Variants in CACNA1I observed in about 807,000 individuals in gnomAD.
CACNA1I encodes calcium voltage-gated channel subunit alpha1 I, also known as voltage-dependent T-type calcium channel subunit alpha-1I.
A neutral mutation model predicts 201.6 loss-of-function variants in CACNA1I; 74 were observed. The ratio of observed to expected loss-of-function variants is 0.37; its 90% CI spans 0.30 to 0.45. The LOEUF (loss-of-function observed/expected upper bound fraction) is 0.45, where lower values mean the gene tolerates loss of function less well. Ranked by LOEUF, CACNA1I falls within the 20% of genes least tolerant of loss-of-function variation. CACNA1I has a pLI of 1.00. For synonymous variants in CACNA1I, 1,431 were observed against 1,345.2 expected, an observed-to-expected ratio of 1.06 and a Z score of -1.40; for missense variants, 2,346 against 3,138.1, an observed-to-expected ratio of 0.75 and a Z score of 6.03.
At chr22:39,605,051 C>G (rs1002192766) in intron 3 of CACNA1I, among the ~76,000 whole-genome samples, 12 of 151,528 alleles carry the variant, frequency 7.9e-5, no homozygotes, top group Non-Finnish European at 1.3e-4. Context: ...GAGCCCAGCC[C>G]TCCGGTCCCC....
chr22:39,624,296 C>T (rs868605825), intron 4 of CACNA1I, among the ~76,000 whole-genome samples: 9 of 152,216 alleles, frequency 5.9e-5, no homozygotes, highest in Middle Eastern at 3.4e-3. Context: ...AGCTGCTCCC[C>T]GGAGGTGGAG....
At chr22:39,572,720 G>A (rs1487211032) in intron 1 of CACNA1I, among the ~76,000 whole-genome samples, 1 of 151,972 alleles carries the variant, frequency 6.6e-6, no homozygotes, top group Non-Finnish European at 1.5e-5. Flanking sequence ...TCTGTCCCAG[G>A]GAGTGCCCGG....
intron 3 of CACNA1I, among the ~76,000 whole-genome samples, chr22:39,601,917 C>CCCTCCCTA (rs1933058096): frequency 2.5e-5 from 1 of 40,342 alleles, no homozygotes; most frequent in Non-Finnish European, 5.2e-5. Flanking sequence ...CTCCCTCCCT[C>CCCTCCCTA]CTTCCTTCCT....
Position 39,666,405 on chromosome 22 carries a change from T to A in CACNA1I, c.4104+399T>A, listed in dbSNP as rs1935197055. ...TCTATGAAATGGGAATGTTATAGCC[T>A]GCCAGGCAGGCTGCGGTCGAGATGA... On this transcript the variant is annotated intron_variant, in intron 23 of 36. Coordinates refer to ENST00000402142, the MANE Select transcript of CACNA1I (RefSeq NM_021096.4). This position sits in a 1 kb window ranked among gnomAD's most constrained non-coding sequence, Gnocchi z 4.1. Among the ~76,000 whole-genome samples the A allele has an allele frequency of 6.6e-6, 1 of 152,190 alleles. No homozygotes were observed. The highest frequency in any genetic ancestry group is 1.5e-5 in the Non-Finnish European group (1 of 68,030).
intron 3 of CACNA1I, among the ~76,000 whole-genome samples, chr22:39,609,239 C>T (rs1030815300): frequency 6.6e-6 from 1 of 152,200 alleles, no homozygotes; most frequent in African/African-American, 2.4e-5. Flanking sequence ...AGGTCACAGG[C>T]TGGTAAGGGG....
chr22:39,619,538 G>C, intron 4 of CACNA1I, 131 bp downstream of exon 4: 1 of 685,954 alleles, frequency 1.5e-6, no homozygotes, highest in Non-Finnish European at 2.6e-6. Flanking sequence ...TTAGGGCCCG[G>C]GTGTGCTCAG....
Position 39,680,986 on chromosome 22 carries a change from C to T in CACNA1I, c.5598C>T (p.Ile1866=). The T allele has an allele frequency of 6.2e-7, 1 of 1,612,102 alleles. No individual in the cohort carries two copies. The highest frequency in any genetic ancestry group is 2.2e-5 in the East Asian group (1 of 44,870). Residue 1866 remains isoleucine, a synonymous_variant, in exon 34 of 37, where the codon ATC becomes ATT. Coordinates refer to ENST00000402142, the MANE Select transcript of CACNA1I (RefSeq NM_021096.4). ...FSLNSDRSSS[I]LLGDDLSLED... The stretch of plus-strand genomic sequence containing the variant: ...TGAACTCAGACAGGTCCTCGTCCAT[C>T]CTGCTGGGTGACGACCTGAGTCTCG...
At chr22:39,586,176 CA>C (rs797014001) in intron 1 of CACNA1I, among the ~76,000 whole-genome samples, 3 of 149,270 alleles carry the variant, frequency 2.0e-5, no homozygotes, top group Non-Finnish European at 4.5e-5. Flanking sequence ...GACTCCATCT[CA>C]AAAAAAAATA....
rs986477683 is a variant in CACNA1I, at chr22:39,654,365, GA to G, written c.1993-3786del. 3.9e-5 allele frequency among the ~76,000 whole-genome samples: 6 copies of G among 152,206 alleles called. 1 individual carries two copies. Among genetic ancestry groups the G allele is most frequent in the African/African-American group, 1.4e-4 (6 of 41,452 alleles). ...GCAGCTTTATCATGTCCTGGAGCTGGAGGCTAACCACCAAGTTGGAGAACAA... is the reference window on the plus strand; with the variant it reads ...GCAGCTTTATCATGTCCTGGAGCTGGGGCTAACCACCAAGTTGGAGAACAA... On this transcript the variant is annotated intron_variant, in intron 10 of 36. Transcript: ENST00000402142.
At chr22:39,571,062 C>T (rs1932166728) in intron 1 of CACNA1I, 74 bp downstream of exon 1, 3 of 1,277,680 alleles carry the variant, frequency 2.3e-6, no homozygotes, top group East Asian at 2.3e-5. Context: ...AGTCCTGCTG[C>T]TCACACCTTG....
chr22:39,576,605 T>C (rs116408645), intron 1 of CACNA1I, among the ~76,000 whole-genome samples: 3,222 of 152,246 alleles, frequency 0.021, 122 homozygotes, highest in African/African-American at 0.074. Context: ...CAGTGATGCA[T>C]AGTGCGGAAG....
At chr22:39,635,122 C>T (rs1463423753) in intron 5 of CACNA1I, among the ~76,000 whole-genome samples, 2 of 152,126 alleles carry the variant, frequency 1.3e-5, no homozygotes, top group African/African-American at 4.8e-5. Flanking sequence ...AAATTGGACA[C>T]CTATAGAACC....
rs1430749015 is a variant in CACNA1I at position 39,617,730 on chromosome 22, C to G, written c.483-1580C>G. Among the ~76,000 whole-genome samples, 2 of 152,002 alleles carry G rather than the reference C, an allele frequency of 1.3e-5. 1 individual carries two copies. The highest frequency in any genetic ancestry group is 4.2e-4 in the South Asian group (2 of 4,814). On this transcript the variant is annotated intron_variant, in intron 3 of 36. Coordinates refer to ENST00000402142, the MANE Select transcript of CACNA1I (RefSeq NM_021096.4). The stretch of plus-strand genomic sequence containing the variant: ...CTCGCTGCCCCTTCCAGGTCACCAT[C>G]GGCCCTCACCCTCTCTGCCTAGCTG...
intron 3 of CACNA1I, among the ~76,000 whole-genome samples, chr22:39,601,361 G>A (rs747701580): frequency 1.3e-5 from 2 of 152,236 alleles, no homozygotes; most frequent in East Asian, 3.8e-4. Context: ...CTTCACACAC[G>A]GGGACCAGGG....
At chr22:39,643,181 G>A (rs1934392566) in intron 7 of CACNA1I, among the ~76,000 whole-genome samples, 1 of 152,200 alleles carries the variant, frequency 6.6e-6, no homozygotes, top group African/African-American at 2.4e-5. Flanking sequence ...GTGTCTCTGG[G>A]CTACATTCTT....
At chr22:39,671,072 C>T (rs1935364092) in intron 26 of CACNA1I, 118 bp downstream of exon 26, 1 of 914,772 alleles carries the variant, frequency 1.1e-6, no homozygotes, top group Non-Finnish European at 1.7e-6. Flanking sequence ...GTGAGCAGCC[C>T]CTCCATGCTG....
intron 4 of CACNA1I, among the ~76,000 whole-genome samples, chr22:39,628,007 A>T (rs1364415796): frequency 6.6e-6 from 1 of 152,176 alleles, no homozygotes; most frequent in Non-Finnish European, 1.5e-5. Flanking sequence ...GGAACAGGAA[A>T]GAGCAGCCTG....
chr22:39,633,656 A>C (rs1025716221), intron 4 of CACNA1I, among the ~76,000 whole-genome samples: 1 of 152,238 alleles, frequency 6.6e-6, no homozygotes, highest in African/African-American at 2.4e-5. Flanking sequence ...ATGTTTAGGG[A>C]ACTTCAAATA....
chr22:39,665,732 G>C lies in CACNA1I; in HGVS notation c.3978+108G>C, dbSNP rs1935168507. On this transcript the variant is annotated intron_variant, in intron 22 of 36. Coordinates refer to ENST00000402142, the MANE Select transcript of CACNA1I (RefSeq NM_021096.4). This position sits in a 1 kb window ranked among gnomAD's most constrained non-coding sequence, Gnocchi z 5.5. ...CATTCCAACCTCATGCGCCTTGCCA[G>C]CTGTGGGCTTCTCCTCCAGGGAGGG... 1.3e-6 allele frequency: 2 copies of C among 1,543,782 alleles called. No homozygotes were observed. Among genetic ancestry groups the C allele is most frequent in the Admixed American group, 3.4e-5 (2 of 58,174 alleles).
Sources: allele counts gnomAD v4.1 joint callset (sites outside exome capture counted in the v4.1 genomes callset), GRCh38; gene constraint gnomAD v4.1.1; non-coding constraint Gnocchi (gnomAD v3.1); transcripts MANE v1.5; gene names NCBI Gene and HGNC (gene_info 2026-07-23, HGNC 2026-07-21).